The following HTD2 variants were observed in gnomAD, a reference collection of about 807,000 sequenced individuals.
The protein encoded by HTD2 is hydroxyacyl-thioester dehydratase type 2, mitochondrial.
In HTD2, 1 loss-of-function variant was observed where a neutral mutation model predicts 3.1. The ratio of observed to expected loss-of-function variants is 0.32; its 90% CI spans 0.11 to 1.52. The LOEUF is 1.52. HTD2 is among the 40% of genes most tolerant of loss of function. The pLI is 0.39. For missense variants in HTD2, 150 were observed against 79.6 expected (o/e 1.88, Z -3.36); for synonymous variants, 50 against 28.9 (o/e 1.73, Z -2.34).
chr3:58,307,323 T>G (rs1444865515), intron 1 of HTD2, among the ~76,000 whole-genome samples: 1 of 152,132 alleles, frequency 6.6e-6, no homozygotes, highest in Non-Finnish European at 1.5e-5. Context: ...GAGTAGATGT[T>G]AATAGACTCA....
At chr3:58,313,141 C>T (rs1575545782) in intron 2 of HTD2, among the ~76,000 whole-genome samples, 1 of 151,700 alleles carries the variant, frequency 6.6e-6, no homozygotes, top group East Asian at 1.9e-4. Context: ...CACCTGTAGT[C>T]CCAGCTACTC....
intron 1 of HTD2, among the ~76,000 whole-genome samples, chr3:58,309,538 C>T (rs1012909075): frequency 4.1e-4 from 62 of 152,252 alleles, no homozygotes; most frequent in African/African-American, 1.4e-3. Flanking sequence ...ATTTTGTATT[C>T]GTATGGGTAA....
intron 1 of HTD2, among the ~76,000 whole-genome samples, chr3:58,307,171 T>C (rs2097476197): frequency 6.6e-6 from 1 of 151,998 alleles, no homozygotes; most frequent in African/African-American, 2.4e-5. Context: ...GGAGGGAGAA[T>C]GGCAGGACAT....
At chr3:58,308,887 G>A (rs1559792281) in intron 1 of HTD2, among the ~76,000 whole-genome samples, 1 of 152,232 alleles carries the variant, frequency 6.6e-6, no homozygotes, top group South Asian at 2.1e-4. Flanking sequence ...AAAGTTGAAG[G>A]ATGAATAGGA....
At position 58,318,319 on chromosome 3, in the gene HTD2, G is replaced by T; in HGVS notation, c.*199G>T. On this transcript the variant is annotated 3_prime_UTR_variant, in exon 5 of 5. Coordinates refer to ENST00000461393, the MANE Select transcript of HTD2 (RefSeq NM_001348712.2). The stretch of plus-strand genomic sequence containing the variant: ...TTCATGCAGACTTGAGTGTATGCAG[G>T]ATTTCATTATCTGCCTGGGTTTTTT... The T allele has an allele frequency of 2.2e-6, 1 of 451,828 alleles. No individual in the cohort carries two copies. Among genetic ancestry groups the T allele is most frequent in the Non-Finnish European group, 3.9e-6 (1 of 257,734 alleles). The allele number at this position is 451,828 out of a possible 1,614,324, so 28.0% of individuals were successfully genotyped here.
chr3:58,312,458 C>T (rs2097483379), intron 2 of HTD2, among the ~76,000 whole-genome samples: 1 of 150,474 alleles, frequency 6.6e-6, no homozygotes, highest in Non-Finnish European at 1.5e-5. Flanking sequence ...TATTTTAAAA[C>T]TGTGTTTGAA....
At chr3:58,316,161 A>G (rs2097488091) in intron 2 of HTD2, among the ~76,000 whole-genome samples, 1 of 152,250 alleles carries the variant, frequency 6.6e-6, no homozygotes, top group African/African-American at 2.4e-5. Flanking sequence ...TTCTTGTAGT[A>G]GGAAAACATG....
intron 2 of HTD2, 155 bp from the exon 3 acceptor site, chr3:58,316,360 G>A (rs1021133045): frequency 4.7e-6 from 3 of 634,394 alleles, no homozygotes; most frequent in East Asian, 2.8e-5. Context: ...CTAGGCAGGG[G>A]GAGCTGTAAG....
intron 2 of HTD2, among the ~76,000 whole-genome samples, chr3:58,310,996 CTG>C (rs2097481631): frequency 6.6e-6 from 1 of 151,558 alleles, no homozygotes; most frequent in Non-Finnish European, 1.5e-5. Context: ...TTATACAACT[CTG>C]TATTTTTAAA....
At chr3:58,312,868 G>A (rs1412906207) in intron 2 of HTD2, among the ~76,000 whole-genome samples, 3 of 151,244 alleles carry the variant, frequency 2.0e-5, no homozygotes, top group East Asian at 3.9e-4. Flanking sequence ...GACTGAGGCA[G>A]GAGAATTGCT....
chr3:58,317,433 C>A lies in HTD2; in HGVS notation c.-174-7C>A. 1 of 1,586,522 alleles carries A rather than the reference C, an allele frequency of 6.3e-7. No individual in the cohort carries two copies. The highest frequency in any genetic ancestry group is 8.6e-7 in the Non-Finnish European group (1 of 1,157,016). On this transcript the variant is annotated splice_polypyrimidine_tract_variant and splice_region_variant and intron_variant, in intron 4 of 4. Coordinates refer to ENST00000461393, the MANE Select transcript of HTD2 (RefSeq NM_001348712.2). ...CCAATGCCTTAACCTTTTTCTTTCT[C>A]TTCTAGGTTTCTCCATTTCTTCTTG...
intron 2 of HTD2, 53 bp downstream of exon 2, chr3:58,310,644 A>G (rs955008988): frequency 7.9e-6 from 12 of 1,513,216 alleles, no homozygotes; most frequent in South Asian, 4.7e-5. Context: ...TAAGAAATAC[A>G]GAAAGAGGCC....
At chr3:58,313,125 G>A (rs1251207829) in intron 2 of HTD2, among the ~76,000 whole-genome samples, 2 of 151,878 alleles carry the variant, frequency 1.3e-5, no homozygotes, top group African/African-American at 2.4e-5. Context: ...CGGGCGCAGC[G>A]GCGGGCACCT....
intron 2 of HTD2, among the ~76,000 whole-genome samples, chr3:58,313,638 C>G (rs1414754603): frequency 6.6e-6 from 1 of 151,974 alleles, no homozygotes; most frequent in Non-Finnish European, 1.5e-5. Flanking sequence ...GCCTGGGTAT[C>G]TGGTGAAACC....
At position 58,319,265 on chromosome 3, in the gene HTD2, C is replaced by T. The variant is rs2097491878; in HGVS notation, c.*1145C>T. 6.6e-6 allele frequency: 1 copy of T among 152,192 alleles called. No homozygotes were observed. Among genetic ancestry groups the T allele is most frequent in the Admixed American group, 6.5e-5 (1 of 15,274 alleles). The allele number at this position is 152,192 out of a possible 1,614,324, so 9.4% of individuals were successfully genotyped here. ...GCATCTTAGTCTACCTTCAGTGAGA[C>T]TTGCGTTTCAGGGGAGGGGCGTATG... On this transcript the variant is annotated 3_prime_UTR_variant, in exon 5 of 5. Transcript: ENST00000461393.
chr3:58,309,365 A>C (rs1162193797), intron 1 of HTD2, among the ~76,000 whole-genome samples: 1 of 152,220 alleles, frequency 6.6e-6, no homozygotes, highest in African/African-American at 2.4e-5. Context: ...GAAAATGGGA[A>C]TAATAATACC....
Position 58,316,569 on chromosome 3 carries a change from G to T in HTD2, c.-276G>T, listed in dbSNP as rs763266408. Reference sequence around the variant, plus strand: ...AACCTATGAAGAGAAGACCTTGTCAGCCATCTTGAGAATATGTAGCAGGTA... The same window carrying T: ...AACCTATGAAGAGAAGACCTTGTCATCCATCTTGAGAATATGTAGCAGGTA... On this transcript the variant is annotated 5_prime_UTR_variant, in exon 3 of 5. Coordinates refer to ENST00000461393, the MANE Select transcript of HTD2 (RefSeq NM_001348712.2). The T allele has an allele frequency of 3.7e-6, 6 of 1,613,938 alleles. No individual in the cohort carries two copies. In the African/African-American group the frequency reaches 8.0e-5, roughly 22 times the overall value.
rs2097486821 is a variant in HTD2 at position 58,315,015 on chromosome 3, C to T, written c.-330-1500C>T. Among the ~76,000 whole-genome samples, 6 of 152,092 alleles carry T rather than the reference C, an allele frequency of 3.9e-5. No homozygotes were observed. In the South Asian group the frequency reaches 1.2e-3, roughly 32 times the overall value. ...TATCTTTAACAAACTAAACGTGCAT[C>T]TGCCATAGAACCCAGCATTAGCACT... On this transcript the variant is annotated intron_variant, in intron 2 of 4. Coordinates refer to ENST00000461393, the MANE Select transcript of HTD2 (RefSeq NM_001348712.2).
chr3:58,316,673 A>G (rs2107509316), intron 3 of HTD2, 82 bp downstream of exon 3: 2 of 1,301,304 alleles, frequency 1.5e-6, no homozygotes, highest in Non-Finnish European at 2.2e-6. Context: ...GAGAATGAGA[A>G]TAAATTTTTT....
Sources: gnomAD v4.1 joint callset for allele counts (sites outside exome capture counted in the v4.1 genomes callset) on GRCh38, gnomAD v4.1.1 for gene constraint, MANE v1.5 for transcripts, NCBI Gene and HGNC (gene_info 2026-07-23, HGNC 2026-07-21) for gene names.